Variants in GKAP1 observed in about 807,000 individuals in gnomAD.
GKAP1 encodes G kinase-anchoring protein 1.
GKAP1 carries 31 observed loss-of-function variants against 56.7 expected under a neutral mutation model. That is an observed-to-expected ratio of 0.55 (90% CI 0.41 to 0.74). The LOEUF (loss-of-function observed/expected upper bound fraction) is 0.74, where lower values mean the gene tolerates loss of function less well. Among genes scored for constraint, GKAP1 ranks in the 30% least tolerant of loss-of-function variants. The probability of loss-of-function intolerance (pLI) is 0.00; values close to 1 mark genes in which losing one functional copy is unlikely to be tolerated. For synonymous variants in GKAP1, 151 were observed against 138.6 expected (o/e 1.09, Z -0.63); for missense variants, 364 against 402.3 (o/e 0.90, Z 0.82).
At chr9:83,808,361 C>T (rs921773119) in intron 2 of GKAP1, among the ~76,000 whole-genome samples, 3 of 151,992 alleles carry the variant, frequency 2.0e-5, no homozygotes, top group African/African-American at 4.8e-5. Context: ...TTTGGGAGGC[C>T]GAGGTGGGCA....
intron 8 of GKAP1, among the ~76,000 whole-genome samples, chr9:83,758,754 A>C (rs1943519317): frequency 6.6e-6 from 1 of 152,062 alleles, no homozygotes; most frequent in South Asian, 2.1e-4. Context: ...CAAAAAAAAA[A>C]AAAACTGAAT....
intron 7 of GKAP1, among the ~76,000 whole-genome samples, chr9:83,773,702 G>A (rs1417292292): frequency 6.6e-6 from 1 of 151,946 alleles, no homozygotes; most frequent in Non-Finnish European, 1.5e-5. Flanking sequence ...TTTTACAGAT[G>A]CATCACTAAA....
chr9:83,751,538 A>G (rs1182774491), intron 9 of GKAP1, among the ~76,000 whole-genome samples: 1 of 152,228 alleles, frequency 6.6e-6, no homozygotes, highest in East Asian at 1.9e-4. Context: ...TGCAGTCAAA[A>G]AAAGTTTTAG....
rs1943173028 is a variant in GKAP1 at position 83,739,633 on chromosome 9, T to C, written c.*64A>G. ...AGTTTAGCAGTTGCACAGCATTAAA[T>C]ATATACAACTTTGCAAAATCCTGGA... On this transcript the variant is annotated 3_prime_UTR_variant, in exon 13 of 13. Coordinates refer to ENST00000376371, the MANE Select transcript of GKAP1 (RefSeq NM_025211.4). The C allele has an allele frequency of 3.0e-6, 4 of 1,329,728 alleles. No individual in the cohort carries two copies. The South Asian group carries it at 5.4e-5, about 18-fold the overall frequency. The allele number at this position is 1,329,728 out of a possible 1,614,324, so 82.4% of individuals were successfully genotyped here. A position where few individuals can be genotyped will look rare whatever the true frequency, so the allele number is the denominator to read the frequency against.
At chr9:83,758,399 A>G (rs1943511916) in intron 8 of GKAP1, among the ~76,000 whole-genome samples, 1 of 152,136 alleles carries the variant, frequency 6.6e-6, no homozygotes, top group African/African-American at 2.4e-5. Context: ...ATTTTAAAAT[A>G]CCTATGCATC....
At chr9:83,782,889 G>C (rs149591051) in intron 6 of GKAP1, among the ~76,000 whole-genome samples, 1,584 of 151,978 alleles carry the variant, frequency 0.01, 20 homozygotes, top group Non-Finnish European at 0.015. Flanking sequence ...GGCTGGGCTC[G>C]AACTCCTGAC....
chr9:83,761,152 AC>A (rs907773041), intron 8 of GKAP1, among the ~76,000 whole-genome samples: 11 of 151,810 alleles, frequency 7.2e-5, no homozygotes, highest in Admixed American at 5.3e-4. Context: ...AAAACAAAAA[AC>A]ATCAAAAAAA....
chr9:83,779,912 C>G (rs1943942603), intron 7 of GKAP1, among the ~76,000 whole-genome samples: 1 of 151,814 alleles, frequency 6.6e-6, no homozygotes, highest in Admixed American at 6.6e-5. Flanking sequence ...GTAGGCTACA[C>G]TAACAGTGAA....
chr9:83,812,291 GTATA>G (rs903850328), intron 2 of GKAP1, among the ~76,000 whole-genome samples: 3 of 141,534 alleles, frequency 2.1e-5, no homozygotes, highest in African/African-American at 5.3e-5. Flanking sequence ...ACATATATAC[GTATA>G]TATATACGTA....
intron 8 of GKAP1, among the ~76,000 whole-genome samples, chr9:83,767,412 T>C (rs917434955): frequency 6.6e-6 from 1 of 151,570 alleles, no homozygotes; most frequent in Non-Finnish European, 1.5e-5. Context: ...CAGGCTAGAG[T>C]GCAGTGGTGT....
At chr9:83,803,540 G>C (rs1357126710) in intron 3 of GKAP1, among the ~76,000 whole-genome samples, 3 of 152,338 alleles carry the variant, frequency 2.0e-5, no homozygotes, top group East Asian at 1.9e-4. Flanking sequence ...CAGACGGAGT[G>C]TGGTTCACTC....
intron 7 of GKAP1, among the ~76,000 whole-genome samples, chr9:83,775,951 A>G (rs568521548): frequency 4.6e-5 from 7 of 152,068 alleles, no homozygotes; most frequent in Admixed American, 2.6e-4. Context: ...TCAAAAGCTA[A>G]TTAACAGTTT....
intron 9 of GKAP1, among the ~76,000 whole-genome samples, chr9:83,750,981 G>A (rs183066279): frequency 5.3e-5 from 8 of 152,128 alleles, no homozygotes; most frequent in Admixed American, 3.3e-4. Context: ...GACTACAGGC[G>A]CGTGCCACCA....
chr9:83,766,955 TA>T (rs1455837479), intron 8 of GKAP1, among the ~76,000 whole-genome samples: 2 of 152,124 alleles, frequency 1.3e-5, no homozygotes, highest in African/African-American at 4.8e-5. Flanking sequence ...GAAGTAAGGG[TA>T]AAGTGTTCAT....
chr9:83,797,040 T>C (rs1161039008), intron 4 of GKAP1, among the ~76,000 whole-genome samples: 3 of 152,208 alleles, frequency 2.0e-5, no homozygotes, highest in African/African-American at 4.8e-5. Flanking sequence ...TTTTCTTCCA[T>C]TGATACAAGA....
At chr9:83,812,270 CATAT>C (rs549125500) in intron 2 of GKAP1, among the ~76,000 whole-genome samples, 29 of 146,482 alleles carry the variant, frequency 2.0e-4, no homozygotes, top group Non-Finnish European at 3.1e-4. Context: ...TATATATACA[CATAT>C]ATATACACAT....
chr9:83,815,192 GTTAAT>G (rs1400002542), intron 2 of GKAP1, among the ~76,000 whole-genome samples: 1 of 151,906 alleles, frequency 6.6e-6, no homozygotes, highest in Admixed American at 6.6e-5. Context: ...AAACTAAAGT[GTTAAT>G]TTAAGAGAAC....
chr9:83,753,762 G>T (rs1042244004), intron 8 of GKAP1, among the ~76,000 whole-genome samples: 7 of 151,978 alleles, frequency 4.6e-5, no homozygotes, highest in African/African-American at 1.7e-4. Flanking sequence ...CAATTAACAG[G>T]TAGAAGACAG....
In GKAP1 at chr9:83,781,824, T is replaced by G. The variant is rs145450568; in HGVS notation, c.563-1420A>C. On this transcript the variant is annotated intron_variant, in intron 6 of 12. Transcript: ENST00000376371. ...GCATTCTTTCCATGTTTCTGCCTAG[T>G]TTTTAATAAAATGTATTTCTTCTTT... 1.6e-3 allele frequency among the ~76,000 whole-genome samples: 239 copies of G among 151,408 alleles called. 2 individuals carry two copies. The highest frequency in any genetic ancestry group is 2.3e-3 in the Non-Finnish European group (157 of 67,916).
Sources: gnomAD v4.1 joint callset for allele counts (sites outside exome capture counted in the v4.1 genomes callset) on GRCh38, gnomAD v4.1.1 for gene constraint, MANE v1.5 for transcripts, NCBI Gene and HGNC (gene_info 2026-07-23, HGNC 2026-07-21) for gene names.